DMTN: variants seen among roughly 807,000 people sequenced by gnomAD.
DMTN encodes the protein dematin.
A neutral mutation model predicts 59.4 loss-of-function variants in DMTN; 27 were observed. That is an observed-to-expected ratio of 0.45 (90% CI 0.33 to 0.63). The LOEUF (loss-of-function observed/expected upper bound fraction) is 0.63. DMTN is among the 20% of genes least tolerant of loss of function. DMTN has a pLI of 0.02. For missense variants in DMTN, 451 were observed against 528.9 expected (o/e 0.85, Z 1.45); for synonymous variants, 221 against 203.7 (o/e 1.08, Z -0.72).
chr8:22,078,934 C>G (rs1193826256), intron 10 of DMTN, among the ~76,000 whole-genome samples: 1 of 150,150 alleles, frequency 6.7e-6, no homozygotes, highest in East Asian at 2.0e-4. Flanking sequence ...GTAGCTGGGA[C>G]TACAGGTGCC....
intron 10 of DMTN, among the ~76,000 whole-genome samples, chr8:22,074,262 G>A (rs947813388): frequency 2.5e-4 from 18 of 71,534 alleles, no homozygotes; most frequent in Admixed American, 2.1e-3. Context: ...TTTTGTTGTG[G>A]TTGTTTGTTG....
chr8:22,070,432 G>A, intron 8 of DMTN, 98 bp downstream of exon 8: 1 of 1,416,062 alleles, frequency 7.1e-7, no homozygotes, highest in Non-Finnish European at 9.3e-7. Context: ...TCCCACCCCT[G>A]CCCTATGGTG....
intron 10 of DMTN, among the ~76,000 whole-genome samples, chr8:22,079,965 A>G (rs886631048): frequency 6.6e-6 from 1 of 152,134 alleles, no homozygotes; most frequent in African/African-American, 2.4e-5. Context: ...TGGAGAGAAG[A>G]GGGATGGTGG....
chr8:22,064,749 C>A (rs1001105204), intron 1 of DMTN, among the ~76,000 whole-genome samples: 1 of 152,196 alleles, frequency 6.6e-6, no homozygotes, highest in South Asian at 2.1e-4. Flanking sequence ...TGAGCCACCG[C>A]GCCCGGCCTG....
chr8:22,067,043 C>T, intron 2 of DMTN, 42 bp from the exon 3 acceptor site: 1 of 1,554,848 alleles, frequency 6.4e-7, no homozygotes. Flanking sequence ...CGCTCCCGCA[C>T]ACACGCACGT....
chr8:22,078,128 G>T (rs1228395565), intron 10 of DMTN, among the ~76,000 whole-genome samples: 1 of 151,998 alleles, frequency 6.6e-6, no homozygotes, highest in Non-Finnish European at 1.5e-5. Flanking sequence ...AATTTGGGAG[G>T]CTGAGGCAGG....
chr8:22,051,504 C>T (rs1801349755), upstream of DMTN, among the ~76,000 whole-genome samples: 1 of 152,158 alleles, frequency 6.6e-6, no homozygotes, highest in Non-Finnish European at 1.5e-5. Context: ...GCCCCAAGCG[C>T]TTGCTATGGC....
At chr8:22,076,678 T>C (rs1820086137) in intron 10 of DMTN, among the ~76,000 whole-genome samples, 1 of 152,044 alleles carries the variant, frequency 6.6e-6, no homozygotes, top group South Asian at 2.1e-4. Flanking sequence ...CAGTGACATA[T>C]ATATATAGTG....
upstream of DMTN, among the ~76,000 whole-genome samples, chr8:22,052,817 A>G (rs1419072044): frequency 6.6e-6 from 1 of 152,160 alleles, no homozygotes; most frequent in Non-Finnish European, 1.5e-5. Context: ...TCTTTAGGGC[A>G]GTGAGATGTT....
chr8:22,069,571 A>G, intron 6 of DMTN, 53 bp downstream of exon 6: 2 of 1,454,804 alleles, frequency 1.4e-6, no homozygotes, highest in Non-Finnish European at 1.9e-6. Flanking sequence ...TCCATCAGGA[A>G]CCCCAATCCC....
upstream of DMTN, chr8:22,048,970 C>T (rs1408973499): frequency 6.7e-6 from 1 of 148,326 alleles, no homozygotes; most frequent in Non-Finnish European, 1.5e-5. This position sits in a 1 kb window ranked among gnomAD's most constrained non-coding sequence, Gnocchi z 6.9. Context: ...GCGGGCGCGT[C>T]CAGGCCGGGC....
chr8:22,075,094 G>A (rs1818654727), intron 10 of DMTN, among the ~76,000 whole-genome samples: 1 of 151,190 alleles, frequency 6.6e-6, no homozygotes, highest in African/African-American at 2.4e-5. Flanking sequence ...GGCCGAGGCA[G>A]GAGAATTGCT....
rs368383977 is a variant in DMTN, at chr8:22,069,462, C to T, written c.338C>T (p.Ser113Leu). The T allele has an allele frequency of 1.5e-5, 24 of 1,613,282 alleles. No individual in the cohort carries two copies. Among genetic ancestry groups the T allele is most frequent in the African/African-American group, 1.2e-4 (9 of 74,846 alleles). Reference protein sequence around the residue: ...SRSPGIISQASAPRTTGTPRT... With the variant: ...SRSPGIISQALAPRTTGTPRT... ...TCGCCTGGAATCATCTCTCAGGCCT[C>T]GGCCCCCAGAACCACTGGAACCCCC... The change falls in exon 6 of 16, where the codon TCG becomes TTG. Residue 113 changes from serine (S) to leucine (L), a missense_variant. Physicochemically the swap from Ser to Leu is moderately radical, Grantham distance 145. Transcript: ENST00000358242.
upstream of DMTN, among the ~76,000 whole-genome samples, chr8:22,051,782 A>T (rs1801380377): frequency 6.6e-6 from 1 of 151,978 alleles, no homozygotes; most frequent in African/African-American, 2.4e-5. Context: ...CGCTCCCTAC[A>T]TCATCTCTGT....
upstream of DMTN, among the ~76,000 whole-genome samples, chr8:22,050,582 G>T (rs1295448831): frequency 2.6e-5 from 4 of 151,644 alleles, no homozygotes; most frequent in South Asian, 4.1e-4. Context: ...CTGGGGGCTG[G>T]CTCCAGAAAG....
chr8:22,074,367 A>G (rs1463998179), intron 10 of DMTN, among the ~76,000 whole-genome samples: 1 of 152,212 alleles, frequency 6.6e-6, no homozygotes, highest in Non-Finnish European at 1.5e-5. Context: ...TCCACCTCTC[A>G]GGCTCAAGCA....
At chr8:22,078,020 G>C (rs1283083686) in intron 10 of DMTN, among the ~76,000 whole-genome samples, 1 of 151,960 alleles carries the variant, frequency 6.6e-6, no homozygotes, top group African/African-American at 2.4e-5. Context: ...GTAAAAATGA[G>C]GTTTTGTTCT....
Position 22,066,625 on chromosome 8 carries a change from G to A in DMTN, c.-171-80G>A, listed in dbSNP as rs1810868092. 5 of 346,950 alleles carry A rather than the reference G, an allele frequency of 1.4e-5. 1 individual carries two copies. In the South Asian group the frequency reaches 4.9e-4, roughly 34 times the overall value. The allele number at this position is 346,950 out of a possible 1,614,324, so 21.5% of individuals were successfully genotyped here. A position where few individuals can be genotyped will look rare whatever the true frequency, so the allele number is the denominator to read the frequency against. On this transcript the variant is annotated intron_variant, in intron 1 of 15. Transcript: ENST00000358242. ...GGAAGCCTCAGCCGCAAGGGGCCCGGCTGCCTGGAGAGCGGCCGCCCGCGG... is the reference window on the plus strand; with the variant it reads ...GGAAGCCTCAGCCGCAAGGGGCCCGACTGCCTGGAGAGCGGCCGCCCGCGG...
Position 22,081,373 on chromosome 8 carries a change from C to T in DMTN, c.1128C>T (p.Phe376=), listed in dbSNP as rs956909426. The T allele has an allele frequency of 1.4e-5, 23 of 1,613,974 alleles. No homozygotes were observed. Among genetic ancestry groups the T allele is most frequent in the Non-Finnish European group, 1.9e-5 (22 of 1,179,982 alleles). The change falls in exon 16 of 16, where the codon TTC becomes TTT. Residue 376 remains phenylalanine (F), a synonymous_variant. Transcript: ENST00000358242. ...RLERHLSAED[F]SRVFAMSPEE... ...AGAGGCATCTGTCTGCCGAGGACTT[C>T]TCAAGGGTATTTGCCATGTCCCCTG...
Sources: allele counts gnomAD v4.1 joint callset (sites outside exome capture counted in the v4.1 genomes callset), GRCh38; gene constraint gnomAD v4.1.1; non-coding constraint Gnocchi (gnomAD v3.1); transcripts MANE v1.5; gene names NCBI Gene and HGNC (gene_info 2026-07-23, HGNC 2026-07-21).